Variants in PHF21A observed in about 807,000 individuals in gnomAD.
PHF21A encodes BHC80a.
In PHF21A, 11 loss-of-function variants were observed where a neutral mutation model predicts 82.5. The observed-to-expected ratio is 0.13, with a 90% CI of 0.08 to 0.22. The LOEUF is 0.22. Among genes scored for constraint, PHF21A ranks in the 10% least tolerant of loss-of-function variants. The pLI is 1.00. For missense variants in PHF21A, 579 were observed against 837.8 expected (o/e 0.69, Z 3.81); for synonymous variants, 297 against 302.8 (o/e 0.98, Z 0.20).
At chr11:45,985,367 T>C (rs984104275) in intron 6 of PHF21A, among the ~76,000 whole-genome samples, 5 of 152,210 alleles carry the variant, frequency 3.3e-5, no homozygotes, top group Non-Finnish European at 7.3e-5. Flanking sequence ...AATGTATGTA[T>C]TGTTTAATGG....
chr11:45,978,067 C>T (rs915431387), intron 7 of PHF21A, among the ~76,000 whole-genome samples: 8 of 151,860 alleles, frequency 5.3e-5, no homozygotes, highest in African/African-American at 1.7e-4. Flanking sequence ...TTTGGGAGGC[C>T]GAGGCGGGCA....
At chr11:46,058,012 G>A (rs180962152) in intron 6 of PHF21A, among the ~76,000 whole-genome samples, 4 of 152,082 alleles carry the variant, frequency 2.6e-5, no homozygotes, top group Admixed American at 6.6e-5. Flanking sequence ...ACGTTTTTCC[G>A]TCAGTTAAGT....
At chr11:45,974,565 C>CA (rs747848679) in intron 7 of PHF21A, among the ~76,000 whole-genome samples, 1 of 151,878 alleles carries the variant, frequency 6.6e-6, no homozygotes, top group Non-Finnish European at 1.5e-5. Flanking sequence ...GTAATCCTCC[C>CA]ATCTCATTCT....
chr11:46,106,931 G>C (rs752978752), intron 1 of PHF21A, among the ~76,000 whole-genome samples: 2 of 152,152 alleles, frequency 1.3e-5, no homozygotes, highest in Admixed American at 6.5e-5. Context: ...AGAAAGAAAG[G>C]CTGTTTCTTT....
chr11:46,120,130 C>T (rs1852700150), intron 1 of PHF21A, among the ~76,000 whole-genome samples: 1 of 150,080 alleles, frequency 6.7e-6, no homozygotes, highest in Non-Finnish European at 1.5e-5. Context: ...CCAACACACT[C>T]ACACTCACAC....
At chr11:45,934,657 A>T (rs563779487) in intron 18 of PHF21A, 1 of 265,946 alleles carries the variant, frequency 3.8e-6, no homozygotes, top group South Asian at 4.3e-5. Flanking sequence ...TGAGCTCTCC[A>T]GGGTGGAAAA....
Position 45,929,516 on chromosome 11 carries a change from G to A in PHF21A, c.*4452C>T, listed in dbSNP as rs2087475513. The A allele has an allele frequency of 6.5e-6, 1 of 153,472 alleles. No individual in the cohort carries two copies. The highest frequency in any genetic ancestry group is 1.4e-5 in the Non-Finnish European group (1 of 69,006). 9.5% of individuals were successfully genotyped at this position (153,472 alleles called of 1,614,324 possible). On this transcript the variant is annotated 3_prime_UTR_variant, in exon 19 of 19. Coordinates refer to ENST00000676320, the MANE Select transcript of PHF21A (RefSeq NM_001352027.3). ...GGCATGGACAAGAGACAGGGTTGGG[G>A]TCTGGCTGGCTCTTCTCTGCTAGGA...
chr11:46,005,110 A>G (rs765874631), intron 6 of PHF21A, among the ~76,000 whole-genome samples: 1 of 152,196 alleles, frequency 6.6e-6, no homozygotes, highest in Non-Finnish European at 1.5e-5. Context: ...AGTTACCAAG[A>G]GCAACCGCAG....
chr11:45,949,629 A>G, intron 12 of PHF21A, 148 bp from the exon 13 acceptor site: 1 of 697,040 alleles, frequency 1.4e-6, no homozygotes, highest in Non-Finnish European at 2.5e-6. Flanking sequence ...AGGCAAGCAC[A>G]CTACTGGAAG....
At chr11:46,054,153 A>G (rs550974029) in intron 6 of PHF21A, among the ~76,000 whole-genome samples, 1 of 152,340 alleles carries the variant, frequency 6.6e-6, no homozygotes, top group Non-Finnish European at 1.5e-5. Context: ...TACACTAGTA[A>G]AAGTTGTATT....
chr11:46,024,535 C>CA (rs1426516330), intron 6 of PHF21A, among the ~76,000 whole-genome samples: 1 of 152,198 alleles, frequency 6.6e-6, no homozygotes, highest in South Asian at 2.1e-4. Flanking sequence ...CATGGTGGCT[C>CA]ATGCCTGTAA....
chr11:46,035,681 A>G (rs988332968), intron 6 of PHF21A, among the ~76,000 whole-genome samples: 17 of 152,316 alleles, frequency 1.1e-4, no homozygotes, highest in Non-Finnish European at 2.5e-4. Flanking sequence ...GTAGTTTTAC[A>G]CTGAGACTTG....
In PHF21A at chr11:45,945,821, CT is replaced by C. The variant is rs2091207216; in HGVS notation, c.1452+18del. On this transcript the variant is annotated intron_variant, in intron 15 of 18. Coordinates refer to ENST00000676320, the MANE Select transcript of PHF21A (RefSeq NM_001352027.3). Reference sequence around the variant, plus strand: ...TTTAAGCTCTCAGAAAGACAGTGTGCTTTTCCCAAGTTACTTACGTCTGTGG... The same window carrying C: ...TTTAAGCTCTCAGAAAGACAGTGTGCTTTCCCAAGTTACTTACGTCTGTGG... 1.3e-6 allele frequency: 2 copies of C among 1,553,754 alleles called. No homozygotes were observed. The highest frequency in any genetic ancestry group is 8.7e-7 in the Non-Finnish European group (1 of 1,152,844).
At chr11:46,097,890 C>G (rs1008530100) in intron 1 of PHF21A, among the ~76,000 whole-genome samples, 3 of 152,084 alleles carry the variant, frequency 2.0e-5, no homozygotes, top group African/African-American at 7.2e-5. Context: ...AATCCTAGAT[C>G]AGGATAACAC....
At chr11:46,059,697 C>A (rs796953961) in intron 6 of PHF21A, among the ~76,000 whole-genome samples, 5 of 152,242 alleles carry the variant, frequency 3.3e-5, no homozygotes, top group African/African-American at 1.2e-4. Flanking sequence ...GCTAGGATGA[C>A]AGGCATAAGC....
At chr11:45,985,698 C>T (rs902722957) in intron 6 of PHF21A, among the ~76,000 whole-genome samples, 2 of 152,124 alleles carry the variant, frequency 1.3e-5, no homozygotes, top group African/African-American at 4.8e-5. Flanking sequence ...AAGAATTAGA[C>T]AAATAGTTTC....
intron 6 of PHF21A, among the ~76,000 whole-genome samples, chr11:46,010,570 A>G (rs542028080): frequency 9.8e-5 from 15 of 152,326 alleles, no homozygotes; most frequent in Non-Finnish European, 1.9e-4. Context: ...TATATTTGGC[A>G]CCGGAGTATG....
chr11:46,059,031 C>T (rs2096496991), intron 6 of PHF21A, among the ~76,000 whole-genome samples: 1 of 152,174 alleles, frequency 6.6e-6, no homozygotes, highest in African/African-American at 2.4e-5. Context: ...TAATACAGTT[C>T]CAATAATTCC....
chr11:46,033,625 C>T (rs1287802188), intron 6 of PHF21A, among the ~76,000 whole-genome samples: 2 of 152,160 alleles, frequency 1.3e-5, no homozygotes, highest in East Asian at 3.8e-4. Context: ...TTCTGTATGT[C>T]TGTAAGAGTG....
Sources: gnomAD v4.1 joint callset for allele counts (sites outside exome capture counted in the v4.1 genomes callset) on GRCh38, gnomAD v4.1.1 for gene constraint, MANE v1.5 for transcripts, NCBI Gene and HGNC (gene_info 2026-07-23, HGNC 2026-07-21) for gene names.